AGAP1: variants seen among roughly 807,000 people sequenced by gnomAD.
AGAP1 encodes ArfGAP with GTPase domain, ankyrin repeat and PH domain 1.
AGAP1 carries 29 observed loss-of-function variants against 105.3 expected under a neutral mutation model. That is an observed-to-expected ratio of 0.28 (90% CI 0.21 to 0.38). The LOEUF (loss-of-function observed/expected upper bound fraction) is 0.38. AGAP1 is among the 10% of genes least tolerant of loss of function. AGAP1 has a pLI of 1.00. For synonymous variants in AGAP1, 509 were observed against 485.9 expected (o/e 1.05, Z -0.63); for missense variants, 998 against 1,165.1 (o/e 0.86, Z 2.09).
At position 236,128,538 on chromosome 2, in the gene AGAP1, C is replaced by G. The variant is rs1325964547; in HGVS notation, c.*4416C>G. On this transcript the variant is annotated 3_prime_UTR_variant, in exon 18 of 18. Coordinates refer to ENST00000304032, the MANE Select transcript of AGAP1 (RefSeq NM_001037131.3). This position sits in a 1 kb window ranked among gnomAD's most constrained non-coding sequence, Gnocchi z 5.9. ...GTCCCTCTCTCCCCATCCTCGGGTT[C>G]CCAGCGTGTTTTGTGCTTGAACTTG... 6.6e-6 allele frequency: 1 copy of G among 152,342 alleles called. No homozygotes were observed. The highest frequency in any genetic ancestry group is 2.4e-5 in the African/African-American group (1 of 41,424). The allele number at this position is 152,342 out of a possible 1,614,324, so 9.4% of individuals were successfully genotyped here. A position where few individuals can be genotyped will look rare whatever the true frequency, so the allele number is the denominator to read the frequency against.
chr2:235,848,120 T>C (rs558860740), intron 9 of AGAP1, among the ~76,000 whole-genome samples: 3 of 152,314 alleles, frequency 2.0e-5, no homozygotes, highest in African/African-American at 7.2e-5. Context: ...TCACTCGCCA[T>C]CATCCTGAGG....
At chr2:236,017,065 G>A (rs533030518) in intron 13 of AGAP1, among the ~76,000 whole-genome samples, 1 of 152,018 alleles carries the variant, frequency 6.6e-6, no homozygotes, top group Non-Finnish European at 1.5e-5. Context: ...GAGACGGGTG[G>A]GTCACCTGAG....
chr2:235,935,683 A>C (rs1050500433), intron 12 of AGAP1, among the ~76,000 whole-genome samples: 3 of 152,212 alleles, frequency 2.0e-5, no homozygotes, highest in Non-Finnish European at 4.4e-5. Flanking sequence ...TTATTGATAG[A>C]TTCAGAACAA....
At chr2:235,862,563 G>A (rs2048972698) in intron 9 of AGAP1, among the ~76,000 whole-genome samples, 1 of 152,212 alleles carries the variant, frequency 6.6e-6, no homozygotes, top group Admixed American at 6.5e-5. Context: ...CATGGGGTAG[G>A]GCAGTGCAAA....
chr2:235,826,059 G>A (rs1959045291), intron 9 of AGAP1, among the ~76,000 whole-genome samples: 1 of 152,200 alleles, frequency 6.6e-6, no homozygotes, highest in African/African-American at 2.4e-5. Flanking sequence ...CACCCAGCGT[G>A]GAAGAGGAGG....
In AGAP1 at chr2:235,968,445, T is replaced by G; in HGVS notation, c.1484-17T>G. On this transcript the variant is annotated splice_polypyrimidine_tract_variant and intron_variant, in intron 12 of 17. Coordinates refer to ENST00000304032, the MANE Select transcript of AGAP1 (RefSeq NM_001037131.3). ...GCATTTTTTTTTTTTTTTTTGCCTT[T>G]TCCGGTCCAATGGCAGACACAGGGC... 6.4e-7 allele frequency: 1 copy of G among 1,562,086 alleles called. No individual in the cohort carries two copies. Among genetic ancestry groups the G allele is most frequent in the Non-Finnish European group, 8.6e-7 (1 of 1,162,358 alleles).
At chr2:236,075,943 G>A (rs971707895) in intron 16 of AGAP1, among the ~76,000 whole-genome samples, 1 of 152,184 alleles carries the variant, frequency 6.6e-6, no homozygotes, top group Non-Finnish European at 1.5e-5. Flanking sequence ...GTGAGAGCAG[G>A]GGCCATGCTG....
chr2:235,784,089 A>AT (rs907087530), intron 6 of AGAP1, among the ~76,000 whole-genome samples: 8 of 152,014 alleles, frequency 5.3e-5, no homozygotes, highest in African/African-American at 1.7e-4. Context: ...TCGCTTTCAA[A>AT]TTTTTTTTGT....
intron 12 of AGAP1, among the ~76,000 whole-genome samples, chr2:235,941,415 C>G (rs1258161903): frequency 6.6e-6 from 1 of 152,198 alleles, no homozygotes. Context: ...GGGAGTGGAG[C>G]AGGAATCCAA....
intron 11 of AGAP1, among the ~76,000 whole-genome samples, chr2:235,911,483 T>A (rs1247486262): frequency 6.6e-6 from 1 of 152,268 alleles, no homozygotes; most frequent in Admixed American, 6.5e-5. Flanking sequence ...GAAGAAGCGT[T>A]CACTATGTAA....
rs1267842504 is a variant in AGAP1 at position 236,105,241 on chromosome 2, C to T, written c.2115-14951C>T. 6.6e-6 allele frequency among the ~76,000 whole-genome samples: 1 copy of T among 152,096 alleles called. No homozygotes were observed. Among genetic ancestry groups the T allele is most frequent in the Non-Finnish European group, 1.5e-5 (1 of 68,022 alleles). On this transcript the variant is annotated intron_variant, in intron 16 of 17. Coordinates refer to ENST00000304032, the MANE Select transcript of AGAP1 (RefSeq NM_001037131.3). The surrounding 1 kb of genome is among the most constrained non-coding windows in gnomAD (Gnocchi z 4.2). ...GTCTGAATGGAAAAATCCAAAACAT[C>T]CCACTTTAAGAACCCTGCATGCACA... is the stretch of plus-strand genomic sequence containing the variant.
chr2:235,882,356 G>T lies in AGAP1; in HGVS notation c.1051-989G>T. ...GGATGACGAGGGCAGGAAATCCTCC[G>T]GGCTCTTAGGAAATTTCACTCCGCT... On this transcript the variant is annotated intron_variant, in intron 9 of 17. Transcript: ENST00000304032. This position sits in a 1 kb window ranked among gnomAD's most constrained non-coding sequence, Gnocchi z 4.6. 5 of 1,338,268 alleles carry T rather than the reference G, an allele frequency of 3.7e-6. No homozygotes were observed. Among genetic ancestry groups the T allele is most frequent in the East Asian group, 2.5e-5 (1 of 39,830 alleles). 82.9% of individuals were successfully genotyped at this position (1,338,268 alleles called of 1,614,324 possible).
chr2:235,648,112 A>G (rs1036298818), intron 1 of AGAP1, among the ~76,000 whole-genome samples: 3 of 152,212 alleles, frequency 2.0e-5, no homozygotes, highest in Non-Finnish European at 4.4e-5. Context: ...AGCTAATTAC[A>G]TTGTGGGAGA....
rs975959525 is a variant in AGAP1, at chr2:235,600,342, ACACT to A, written c.163+105496_163+105499del. On this transcript the variant is annotated intron_variant, in intron 1 of 17. Coordinates refer to ENST00000304032, the MANE Select transcript of AGAP1 (RefSeq NM_001037131.3). The surrounding 1 kb of genome is among the most constrained non-coding windows in gnomAD (Gnocchi z 4.8). Reference sequence around the variant, plus strand: ...TCAGCCTGCATGGACTGTGCTGGAAACACTCAGTAGCAACTCAGGCTCAGGGAGC... The same window carrying A: ...TCAGCCTGCATGGACTGTGCTGGAAACAGTAGCAACTCAGGCTCAGGGAGC... Among the ~76,000 whole-genome samples the A allele has an allele frequency of 1.3e-5, 2 of 151,972 alleles. No homozygotes were observed. The highest frequency in any genetic ancestry group is 2.9e-5 in the Non-Finnish European group (2 of 67,982).
In AGAP1 at chr2:235,535,864, C is replaced by T. The variant is rs372835114; in HGVS notation, c.163+41015C>T. 3.8e-4 allele frequency among the ~76,000 whole-genome samples: 58 copies of T among 152,064 alleles called. 1 individual carries two copies. Among genetic ancestry groups the T allele is most frequent in the Non-Finnish European group, 5.6e-4 (38 of 67,992 alleles). On this transcript the variant is annotated intron_variant, in intron 1 of 17. Coordinates refer to ENST00000304032, the MANE Select transcript of AGAP1 (RefSeq NM_001037131.3). The surrounding 1 kb of genome is among the most constrained non-coding windows in gnomAD (Gnocchi z 5.1). The stretch of plus-strand genomic sequence containing the variant: ...GGCAGACACACATTAGGAGTCCACG[C>T]GCAGGTAGCCTGGCCTTTGAAGCTC...
At position 235,494,612 on chromosome 2, in the gene AGAP1, TCGGCGGCCCGCGGGCCCCGGGGCGCGGGG is replaced by T. The variant is rs1941223923; in HGVS notation, c.-67_-39del. On this transcript the variant is annotated 5_prime_UTR_variant, in exon 1 of 18. Transcript: ENST00000304032. ...CCCCGGGGGCTGCGGCGCCCCGGGC[TCGGCGGCCCGCGGGCCCCGGGGCGCGGGG>T]CGGCGGCGGCGGGGGGCGCGCGGCT... 5.0e-6 allele frequency: 4 copies of T among 801,022 alleles called. No homozygotes were observed. Among genetic ancestry groups the T allele is most frequent in the Non-Finnish European group, 4.5e-6 (3 of 671,474 alleles). 49.6% of individuals were successfully genotyped at this position (801,022 alleles called of 1,614,324 possible). A position where few individuals can be genotyped will look rare whatever the true frequency, so the allele number is the denominator to read the frequency against.
chr2:235,545,523 G>T (rs968770879), intron 1 of AGAP1, among the ~76,000 whole-genome samples: 1 of 152,182 alleles, frequency 6.6e-6, no homozygotes, highest in Non-Finnish European at 1.5e-5. Context: ...TTCTGCTTTA[G>T]CACATTGTTA....
chr2:235,594,078 C>T (rs1403805175), intron 1 of AGAP1, among the ~76,000 whole-genome samples: 1 of 152,060 alleles, frequency 6.6e-6, no homozygotes, highest in Non-Finnish European at 1.5e-5. Context: ...ATCATAGGTG[C>T]ACATGTAGTA....
rs566340858 is a variant in AGAP1 at position 235,667,041 on chromosome 2, C to T, written c.164-42138C>T. 1.1e-4 allele frequency among the ~76,000 whole-genome samples: 17 copies of T among 152,224 alleles called. No homozygotes were observed. In the South Asian group the frequency reaches 3.5e-3, roughly 32 times the overall value. ...TTACAGACCTGGGTGACCTTTAAGT[C>T]TGTACAGCTGCAGTGATAAAATTTT... On this transcript the variant is annotated intron_variant, in intron 1 of 17. Transcript: ENST00000304032.
Sources: gnomAD v4.1 joint callset for allele counts (sites outside exome capture counted in the v4.1 genomes callset) on GRCh38, gnomAD v4.1.1 for gene constraint, Gnocchi (gnomAD v3.1) non-coding constraint, MANE v1.5 for transcripts, NCBI Gene and HGNC (gene_info 2026-07-23, HGNC 2026-07-21) for gene names.